The following AK4 variants were observed in gnomAD, a reference collection of about 807,000 sequenced individuals.
The protein encoded by AK4 is adenylate kinase 4, mitochondrial.
A neutral mutation model predicts 24.6 loss-of-function variants in AK4; 13 were observed. The observed-to-expected ratio is 0.53, with a 90% CI of 0.34 to 0.84. The LOEUF (loss-of-function observed/expected upper bound fraction) is 0.84, where lower values mean the gene tolerates loss of function less well. Ranked by LOEUF, AK4 falls within the 40% of genes least tolerant of loss-of-function variation. The pLI is 0.01. For missense variants in AK4, 192 were observed against 288.2 expected (o/e 0.67, Z 2.42); for synonymous variants, 88 against 107.0 (o/e 0.82, Z 1.10).
At position 65,176,243 on chromosome 1, in the gene AK4, TTGTCC is replaced by T. The variant is rs1217702041; in HGVS notation, c.146-14466_146-14462del. On this transcript the variant is annotated intron_variant, in intron 1 of 4. Transcript: ENST00000327299. ...CCTCCCCTACCCAAAGTCATGGCTG[TTGTCC>T]ATGCATCTTTTTATCTTGGCTATTA... 6.6e-5 allele frequency among the ~76,000 whole-genome samples: 10 copies of T among 152,282 alleles called. No homozygotes were observed. In the East Asian group the frequency reaches 1.4e-3, roughly 21 times the overall value.
intron 2 of AK4, among the ~76,000 whole-genome samples, chr1:65,199,086 CA>C (rs34278926): frequency 0.51 from 53,142 of 104,134 alleles, 11,089 homozygotes; most frequent in East Asian, 0.71. Flanking sequence ...GACTCCGCCT[CA>C]AAAAAAAAAA....
intron 2 of AK4, among the ~76,000 whole-genome samples, chr1:65,194,214 C>T (rs1473952854): frequency 6.6e-6 from 1 of 152,238 alleles, no homozygotes; most frequent in South Asian, 2.1e-4. Flanking sequence ...TTAAAAGTAA[C>T]CACACAGCAG....
chr1:65,189,806 AGTATTTATGTGGTTTT>A (rs1324823264), intron 1 of AK4, among the ~76,000 whole-genome samples: 1 of 152,216 alleles, frequency 6.6e-6, no homozygotes, highest in Non-Finnish European at 1.5e-5. Context: ...TTCTCCTGAA[AGTATTTATGTGGTTTT>A]GTTAAAACTT....
chr1:65,223,204 A>C (rs1652348585), intron 3 of AK4, among the ~76,000 whole-genome samples: 1 of 151,490 alleles, frequency 6.6e-6, no homozygotes, highest in Admixed American at 6.6e-5. Context: ...TTTTTATTTA[A>C]ATTTTTTTGA....
intron 1 of AK4, among the ~76,000 whole-genome samples, chr1:65,154,275 G>T (rs947505893): frequency 4.6e-5 from 7 of 152,196 alleles, no homozygotes; most frequent in Non-Finnish European, 1.0e-4. Context: ...TGGAGAGAAA[G>T]AAGTCTACAA....
At chr1:65,210,425 T>A (rs1651936103) in intron 2 of AK4, among the ~76,000 whole-genome samples, 1 of 152,090 alleles carries the variant, frequency 6.6e-6, no homozygotes, top group African/African-American at 2.4e-5. Context: ...ATTCCCCTCC[T>A]CACCGTACCC....
intron 3 of AK4, among the ~76,000 whole-genome samples, chr1:65,222,953 C>T (rs1221324911): frequency 6.6e-6 from 1 of 151,216 alleles, no homozygotes; most frequent in Non-Finnish European, 1.5e-5. Context: ...TTTAAGGAGG[C>T]ATGATTCCTG....
At chr1:65,190,895 T>G in intron 2 of AK4, 66 bp downstream of exon 2, 1 of 1,521,228 alleles carries the variant, frequency 6.6e-7, no homozygotes, top group Non-Finnish European at 8.8e-7. Flanking sequence ...CACACTCCCT[T>G]AACTTCTTAC....
At chr1:65,159,955 C>T (rs752264326) in intron 1 of AK4, among the ~76,000 whole-genome samples, 7 of 132,038 alleles carry the variant, frequency 5.3e-5, no homozygotes, top group Admixed American at 8.9e-5. Context: ...GCAACAGCGC[C>T]GAGACTATGT....
chr1:65,149,730 A>T (rs998269883), intron 1 of AK4, among the ~76,000 whole-genome samples: 6 of 152,232 alleles, frequency 3.9e-5, no homozygotes, highest in Admixed American at 2.6e-4. Context: ...TCTCTTAAGC[A>T]GATTGAAAAA....
chr1:65,152,067 A>C (rs2100976581), intron 1 of AK4, among the ~76,000 whole-genome samples: 1 of 152,214 alleles, frequency 6.6e-6, no homozygotes, highest in Non-Finnish European at 1.5e-5. Flanking sequence ...CTGGCACTCT[A>C]TTGAGTGAGT....
At chr1:65,214,840 A>C (rs1184889881) in intron 2 of AK4, among the ~76,000 whole-genome samples, 2 of 152,166 alleles carry the variant, frequency 1.3e-5, no homozygotes. Context: ...GGAGTTCGTA[A>C]ATCTGGAAAG....
At position 65,231,743 on chromosome 1, in the gene AK4, ATTTGTAC is replaced by A. The variant is rs1284453308; in HGVS notation, c.*5568_*5574del. The A allele has an allele frequency of 6.6e-6, 1 of 152,188 alleles. No homozygotes were observed. Among genetic ancestry groups the A allele is most frequent in the Non-Finnish European group, 1.5e-5 (1 of 68,032 alleles). 9.4% of individuals were successfully genotyped at this position (152,188 alleles called of 1,614,324 possible). A position where few individuals can be genotyped will look rare whatever the true frequency, so the allele number is the denominator to read the frequency against. ...AAAGGGCTTTTCTAGTTTTATGAGA[ATTTGTAC>A]TACTGATTTTTATATATTCCTGTTT... On this transcript the variant is annotated 3_prime_UTR_variant, in exon 5 of 5. Transcript: ENST00000327299.
intron 2 of AK4, among the ~76,000 whole-genome samples, chr1:65,218,034 G>A (rs1461220809): frequency 6.6e-6 from 1 of 152,116 alleles, no homozygotes; most frequent in Non-Finnish European, 1.5e-5. Context: ...TGTGTGGCGA[G>A]AATCCTGAAA....
Position 65,206,592 on chromosome 1 carries a change from C to T in AK4, c.266-12162C>T, listed in dbSNP as rs116125196. Among the ~76,000 whole-genome samples the T allele has an allele frequency of 9.2e-3, 1,399 of 152,318 alleles. 26 individuals are homozygous for T. The highest frequency in any genetic ancestry group is 0.032 in the African/African-American group (1,342 of 41,566). On this transcript the variant is annotated intron_variant, in intron 2 of 4. Transcript: ENST00000327299. Reference sequence around the variant, plus strand: ...GCGTGTGCGTGTGTGCACGTGCGTGCGCACACACACAAACACACACACACA... The same window carrying T: ...GCGTGTGCGTGTGTGCACGTGCGTGTGCACACACACAAACACACACACACA...
At chr1:65,151,546 T>C (rs1649771559) in intron 1 of AK4, among the ~76,000 whole-genome samples, 2 of 152,202 alleles carry the variant, frequency 1.3e-5, no homozygotes, top group Non-Finnish European at 1.5e-5. Flanking sequence ...TGGCCCATTC[T>C]TGGGCCTTTT....
rs182285239 is a variant in AK4, at chr1:65,151,495, T to G, written c.145+2943T>G. Among the ~76,000 whole-genome samples the G allele has an allele frequency of 4.4e-3, 671 of 152,176 alleles. 1 individual carries two copies. The highest frequency in any genetic ancestry group is 7.6e-3 in the Non-Finnish European group (516 of 67,978). ...GGCTGGTCTCAAACTCTTGGCTCAGTCTCCCAAAATGTTGGGATTACAGGT... is the reference window on the plus strand; with the variant it reads ...GGCTGGTCTCAAACTCTTGGCTCAGGCTCCCAAAATGTTGGGATTACAGGT... On this transcript the variant is annotated intron_variant, in intron 1 of 4. Coordinates refer to ENST00000327299, the MANE Select transcript of AK4 (RefSeq NM_013410.4).
rs80161931 is a variant in AK4 at position 65,164,773 on chromosome 1, T to C, written c.145+16221T>C. On this transcript the variant is annotated intron_variant, in intron 1 of 4. Transcript: ENST00000327299. ...GAAGTCCAGATGATCTATTTTTTCT[T>C]TTGTTGCTTATGCTTTTGGTGTCAT... is the stretch of plus-strand genomic sequence containing the variant. Among the ~76,000 whole-genome samples the C allele has an allele frequency of 1.5e-4, 23 of 152,336 alleles. No individual in the cohort carries two copies. The East Asian group carries it at 4.4e-3, about 29-fold the overall frequency.
At chr1:65,173,731 C>T (rs964845171) in intron 1 of AK4, among the ~76,000 whole-genome samples, 4 of 152,010 alleles carry the variant, frequency 2.6e-5, no homozygotes, top group South Asian at 2.1e-4. Context: ...GGCGTGGTAG[C>T]GCACGCCTGT....
Sources: allele counts gnomAD v4.1 joint callset (sites outside exome capture counted in the v4.1 genomes callset), GRCh38; gene constraint gnomAD v4.1.1; transcripts MANE v1.5; gene names NCBI Gene and HGNC (gene_info 2026-07-23, HGNC 2026-07-21).